Variants in EXOC6 observed in about 807,000 individuals in gnomAD.
EXOC6 encodes SEC15-like 1.
Under a neutral mutation model 112.5 loss-of-function variants are expected in EXOC6, and 60 were observed. That is an observed-to-expected ratio of 0.53 (90% CI 0.43 to 0.66). The LOEUF is 0.66. Ranked by LOEUF, EXOC6 falls within the 30% of genes least tolerant of loss-of-function variation. EXOC6 has a pLI of 0.00. For synonymous variants in EXOC6, 295 were observed against 308.0 expected (o/e 0.96, Z 0.44); for missense variants, 855 against 957.1 (o/e 0.89, Z 1.41).
intron 1 of EXOC6, among the ~76,000 whole-genome samples, chr10:92,878,506 G>C (rs1848784105): frequency 6.6e-6 from 1 of 152,122 alleles, no homozygotes; most frequent in African/African-American, 2.4e-5. Flanking sequence ...AGCACACACA[G>C]TGTGTTTAGG....
intron 5 of EXOC6, among the ~76,000 whole-genome samples, chr10:92,908,268 T>C (rs1202958699): frequency 6.6e-6 from 1 of 151,916 alleles, no homozygotes; most frequent in African/African-American, 2.4e-5. Flanking sequence ...TTGGCCAGGC[T>C]GGTCTCGAAT....
At chr10:92,861,977 A>AT (rs1172950112) in intron 1 of EXOC6, among the ~76,000 whole-genome samples, 15 of 151,998 alleles carry the variant, frequency 9.9e-5, no homozygotes. Flanking sequence ...TTCTTGTTTT[A>AT]TTTTTTCCTA....
chr10:92,977,712 A>C (rs2134110168), intron 18 of EXOC6, among the ~76,000 whole-genome samples: 1 of 152,068 alleles, frequency 6.6e-6, no homozygotes, highest in Non-Finnish European at 1.5e-5. Flanking sequence ...CACACGTTTT[A>C]TGTTTTAATA....
At chr10:93,049,014 G>A (rs1846144949) in intron 20 of EXOC6, among the ~76,000 whole-genome samples, 1 of 151,532 alleles carries the variant, frequency 6.6e-6, no homozygotes, top group South Asian at 2.1e-4. Context: ...AAGAGAAATG[G>A]AAACAGTTTT....
In EXOC6 at chr10:92,934,332, A is replaced by G. The variant is rs1356233861; in HGVS notation, c.1042A>G (p.Ile348Val). 1.9e-6 allele frequency: 3 copies of G among 1,588,498 alleles called. No individual in the cohort carries two copies. ...IVGFFVVEDH[I>V]LHVTQGLVTR... Reference sequence around the variant, plus strand: ...TAGGTTCTTTGTGGTAGAAGATCACATTTTACATGTGACCCAAGGATTAGT... The same window carrying G: ...TAGGTTCTTTGTGGTAGAAGATCACGTTTTACATGTGACCCAAGGATTAGT... Residue 348 changes from isoleucine (I) to valine (V), a missense_variant, in exon 11 of 22, where the codon ATT (isoleucine) becomes GTT (valine). Ile to Val is a conservative substitution (Grantham distance 29, BLOSUM62 3). Around this residue, in one of 2 missense-constraint regions of EXOC6, gnomAD observed 450 missense variants for 563.5 expected, o/e 0.80. Coordinates refer to ENST00000260762, the MANE Select transcript of EXOC6 (RefSeq NM_019053.6).
upstream of EXOC6, chr10:92,834,591 A>C (rs1846601780): frequency 1.7e-6 from 1 of 583,882 alleles, no homozygotes; most frequent in Admixed American, 3.1e-5. Flanking sequence ...GAAGTCAGAC[A>C]GTGAGCTTGT....
chr10:92,966,248 T>C (rs1052292769), intron 17 of EXOC6, among the ~76,000 whole-genome samples: 47 of 150,046 alleles, frequency 3.1e-4, no homozygotes, highest in African/African-American at 1.1e-3. Flanking sequence ...AACCACTTTT[T>C]CCCTAAACGT....
At chr10:92,938,495 C>A (rs990615783) in intron 12 of EXOC6, among the ~76,000 whole-genome samples, 3 of 152,026 alleles carry the variant, frequency 2.0e-5, no homozygotes, top group African/African-American at 4.8e-5. Flanking sequence ...TCAGCCCTTG[C>A]CACCCTAAGG....
intron 6 of EXOC6, among the ~76,000 whole-genome samples, chr10:92,914,082 G>A (rs529920372): frequency 1.3e-3 from 203 of 152,334 alleles, no homozygotes; most frequent in African/African-American, 4.5e-3. Flanking sequence ...GTGGCCTTTA[G>A]GAACCAGGCC....
chr10:92,859,456 G>T (rs1847791563), intron 1 of EXOC6, among the ~76,000 whole-genome samples: 2 of 152,164 alleles, frequency 1.3e-5, no homozygotes, highest in Admixed American at 1.3e-4. Flanking sequence ...TCCAGTAATT[G>T]CTGGGTGATT....
chr10:93,007,748 C>A (rs907783361), intron 19 of EXOC6, among the ~76,000 whole-genome samples: 3 of 152,132 alleles, frequency 2.0e-5, no homozygotes, highest in African/African-American at 7.2e-5. Flanking sequence ...TTTTTTGTTC[C>A]CACTTTCATC....
chr10:93,036,409 A>T (rs11187252), intron 20 of EXOC6, among the ~76,000 whole-genome samples: 13,323 of 152,100 alleles, frequency 0.088, 628 homozygotes, highest in Admixed American at 0.15. Flanking sequence ...CATGCAACAT[A>T]TGCTTTCATA....
chr10:92,880,547 A>C (rs780204693), intron 1 of EXOC6, among the ~76,000 whole-genome samples: 56 of 152,226 alleles, frequency 3.7e-4, no homozygotes, highest in Admixed American at 8.5e-4. Context: ...TAGAAATAGA[A>C]GACACCTTCA....
At chr10:92,879,059 T>C (rs1848820840) in intron 1 of EXOC6, among the ~76,000 whole-genome samples, 1 of 152,244 alleles carries the variant, frequency 6.6e-6, no homozygotes, top group African/African-American at 2.4e-5. Flanking sequence ...TGCTTCCACC[T>C]CAGGATATAC....
At chr10:92,942,707 G>C (rs1360968926) in intron 13 of EXOC6, among the ~76,000 whole-genome samples, 3 of 152,078 alleles carry the variant, frequency 2.0e-5, no homozygotes, top group African/African-American at 7.2e-5. Flanking sequence ...TTATAGACTT[G>C]ATGTTATTTA....
chr10:92,906,017 C>T (rs1345624782), intron 5 of EXOC6, among the ~76,000 whole-genome samples: 1 of 152,056 alleles, frequency 6.6e-6, no homozygotes, highest in Non-Finnish European at 1.5e-5. Flanking sequence ...TATTTTGATG[C>T]TCTGTTGTTA....
chr10:93,033,790 GAAGT>G (rs1470784278), intron 20 of EXOC6, among the ~76,000 whole-genome samples: 1 of 152,184 alleles, frequency 6.6e-6, no homozygotes, highest in Admixed American at 6.5e-5. Flanking sequence ...TGGGGAAAAA[GAAGT>G]GAGTGGTAGA....
At chr10:92,903,475 A>G (rs919179431) in intron 5 of EXOC6, among the ~76,000 whole-genome samples, 1 of 151,806 alleles carries the variant, frequency 6.6e-6, no homozygotes, top group African/African-American at 2.4e-5. Context: ...GGGCATCTAG[A>G]TGATAAAGGT....
intron 1 of EXOC6, among the ~76,000 whole-genome samples, chr10:92,853,167 T>C (rs543590535): frequency 6.6e-6 from 1 of 152,164 alleles, no homozygotes; most frequent in Admixed American, 6.5e-5. Context: ...TACTCAGGGA[T>C]AAATCTGACT....
Sources: gnomAD v4.1 joint callset for allele counts (sites outside exome capture counted in the v4.1 genomes callset) on GRCh38, gnomAD v4.1.1 for gene constraint, gnomAD v4.1.1 regional missense constraint, MANE v1.5 for transcripts, NCBI Gene and HGNC (gene_info 2026-07-23, HGNC 2026-07-21) for gene names.